NFKB1: variants seen among roughly 807,000 people sequenced by gnomAD.
NFKB1 encodes nuclear factor kappa B subunit 1.
Under a neutral mutation model 105.1 loss-of-function variants are expected in NFKB1, and 9 were observed. The observed-to-expected ratio is 0.09, with a 90% confidence interval of 0.05 to 0.15. The LOEUF (loss-of-function observed/expected upper bound fraction) is 0.15, where lower values mean the gene tolerates loss of function less well. Among genes scored for constraint, NFKB1 ranks in the 10% least tolerant of loss-of-function variants. The pLI, the probability that NFKB1 is intolerant of heterozygous loss-of-function variation, is 1.00. For missense variants in NFKB1, 830 were observed against 1,203.7 expected (o/e 0.69, Z 4.59); for synonymous variants, 440 against 442.2 (o/e 1.00, Z 0.06).
At chr4:102,532,636 A>C (rs1199475615) in intron 3 of NFKB1, among the ~76,000 whole-genome samples, 1 of 152,160 alleles carries the variant, frequency 6.6e-6, no homozygotes, top group Non-Finnish European at 1.5e-5. Context: ...TCAAAAAAAA[A>C]TAAAAAAAAT....
At chr4:102,615,571 A>T (rs1473129137) in intron 23 of NFKB1, among the ~76,000 whole-genome samples, 1 of 152,256 alleles carries the variant, frequency 6.6e-6, no homozygotes, top group Non-Finnish European at 1.5e-5. Context: ...TTCTGCACAG[A>T]TATTAAAAAA....
intron 6 of NFKB1, among the ~76,000 whole-genome samples, chr4:102,568,753 C>A (rs894315763): frequency 2.0e-5 from 3 of 152,146 alleles, no homozygotes; most frequent in African/African-American, 7.2e-5. Context: ...AAATTTGAGA[C>A]CTTAAAGCGG....
intron 22 of NFKB1, 92 bp from the exon 23 acceptor site, chr4:102,613,333 C>T: frequency 7.5e-7 from 1 of 1,339,290 alleles, no homozygotes; most frequent in Non-Finnish European, 1.0e-6. Flanking sequence ...GAGGAGGCAG[C>T]ATGGAAGAGG....
chr4:102,515,411 C>G (rs116278158), intron 1 of NFKB1, among the ~76,000 whole-genome samples: 3,616 of 152,118 alleles, frequency 0.024, 62 homozygotes, highest in Non-Finnish European at 0.035. Context: ...CGCCCGGCCC[C>G]ATGTAATATT....
chr4:102,518,159 G>A (rs868046510), intron 1 of NFKB1, among the ~76,000 whole-genome samples: 3 of 152,166 alleles, frequency 2.0e-5, no homozygotes, highest in African/African-American at 4.8e-5. Context: ...TATATTGGCA[G>A]AAATTGCAAA....
intron 16 of NFKB1, among the ~76,000 whole-genome samples, chr4:102,601,848 C>T (rs1727177049): frequency 6.6e-6 from 1 of 152,190 alleles, no homozygotes; most frequent in Non-Finnish European, 1.5e-5. Flanking sequence ...CTCCTTCCTG[C>T]CCCTGATTGC....
chr4:102,543,223 A>G (rs1372507642), intron 5 of NFKB1, among the ~76,000 whole-genome samples: 1 of 152,102 alleles, frequency 6.6e-6, no homozygotes, highest in Non-Finnish European at 1.5e-5. Flanking sequence ...GTGACAAGAG[A>G]AGCAGCCCCA....
intron 11 of NFKB1, among the ~76,000 whole-genome samples, chr4:102,588,172 C>G (rs994822525): frequency 3.3e-5 from 5 of 152,130 alleles, no homozygotes; most frequent in African/African-American, 1.2e-4. Flanking sequence ...CATTAAATAT[C>G]TGTGGACTGA....
chr4:102,542,159 C>G (rs1560656486), intron 5 of NFKB1, among the ~76,000 whole-genome samples: 1 of 152,126 alleles, frequency 6.6e-6, no homozygotes, highest in Non-Finnish European at 1.5e-5. Flanking sequence ...TACTCAAATC[C>G]TGCATTTTCT....
At chr4:102,587,628 A>G (rs1725821016) in intron 11 of NFKB1, among the ~76,000 whole-genome samples, 1 of 152,170 alleles carries the variant, frequency 6.6e-6, no homozygotes, top group South Asian at 2.1e-4. Flanking sequence ...TTGCACCTGT[A>G]TGCTTCATGC....
At chr4:102,556,246 A>G (rs1722980521) in intron 5 of NFKB1, among the ~76,000 whole-genome samples, 1 of 152,194 alleles carries the variant, frequency 6.6e-6, no homozygotes, top group Non-Finnish European at 1.5e-5. Context: ...TAACGGTATT[A>G]TGGACAGGAA....
intron 5 of NFKB1, among the ~76,000 whole-genome samples, chr4:102,547,519 G>T (rs1200915779): frequency 1.3e-5 from 2 of 152,142 alleles, no homozygotes; most frequent in African/African-American, 4.8e-5. Context: ...TTTGCGACTT[G>T]CAGTGTTACT....
At chr4:102,613,708 C>G in intron 23 of NFKB1, 127 bp downstream of exon 23, 9 of 1,117,932 alleles carry the variant, frequency 8.1e-6, no homozygotes, top group Non-Finnish European at 1.0e-5. Context: ...CTGTGTGTCT[C>G]TCTACCCCCT....
intron 5 of NFKB1, among the ~76,000 whole-genome samples, chr4:102,558,944 G>T (rs1723192332): frequency 6.6e-6 from 1 of 152,160 alleles, no homozygotes; most frequent in African/African-American, 2.4e-5. Context: ...GGGATTAGGG[G>T]GTCAAAGTTT....
At chr4:102,507,272 G>A (rs374839567) in intron 1 of NFKB1, among the ~76,000 whole-genome samples, 3 of 152,066 alleles carry the variant, frequency 2.0e-5, no homozygotes, top group South Asian at 2.1e-4. Context: ...AAATTTTTGT[G>A]TGTTCCCTTA....
intron 7 of NFKB1, chr4:102,578,096 T>A: frequency 1.8e-6 from 1 of 545,448 alleles, no homozygotes; most frequent in African/African-American, 2.0e-5. Context: ...TTTCTCACTT[T>A]CCTGCCTTGG....
chr4:102,607,197 T>G lies in NFKB1; in HGVS notation c.2002T>G (p.Leu668Val), dbSNP rs948787905. 1 of 1,614,180 alleles carries G rather than the reference T, an allele frequency of 6.2e-7. No individual in the cohort carries two copies. Among genetic ancestry groups the G allele is most frequent in the African/African-American group, 1.3e-5 (1 of 75,060 alleles). ...CATGATGAGCAATAGCCTGCCATGT[T>G]TGCTGCTGCTGGTGGCCGCTGGGGC... ...LAMMSNSLPCLLLLVAAGADV... is the reference protein window; with the variant it reads ...LAMMSNSLPCVLLLVAAGADV... Residue 668 changes from leucine to valine, a missense_variant, in exon 18 of 24, where the codon TTG becomes GTG. This residue lies in a region of NFKB1 where 418 missense variants were observed against 575.3 expected (regional missense o/e 0.73). Transcript: ENST00000226574.
rs752031846 is a variant in NFKB1, at chr4:102,525,540, T to A, written c.22T>A (p.Leu8Met). The A allele has an allele frequency of 3.7e-6, 6 of 1,613,350 alleles. No individual in the cohort carries two copies. In the African/African-American group the frequency reaches 5.3e-5, roughly 14 times the overall value. ...CAGAATGGCAGAAGATGATCCATAT[T>A]TGGGAAGGCCTGAACAAGTAAGTGT... MAEDDPYLGRPEQMFHLD... is the reference protein window; with the variant it reads MAEDDPYMGRPEQMFHLD... Residue 8 changes from leucine to methionine, a missense_variant, in exon 2 of 24, where the codon TTG (leucine) becomes ATG (methionine). Physicochemically the swap from Leu to Met is conservative, Grantham distance 15. Around this residue, in one of 8 missense-constraint regions of NFKB1, gnomAD observed 46 missense variants for 48.3 expected, o/e 0.95. Transcript: ENST00000226574.
At chr4:102,548,795 A>G (rs764545659) in intron 5 of NFKB1, among the ~76,000 whole-genome samples, 35 of 152,200 alleles carry the variant, frequency 2.3e-4, no homozygotes, top group South Asian at 6.2e-4. Context: ...TCACATGAAT[A>G]CTGTCTTCTC....
Sources: gnomAD v4.1 joint callset for allele counts (sites outside exome capture counted in the v4.1 genomes callset) on GRCh38, gnomAD v4.1.1 for gene constraint, gnomAD v4.1.1 regional missense constraint, MANE v1.5 for transcripts, NCBI Gene and HGNC (gene_info 2026-07-23, HGNC 2026-07-21) for gene names.